Variants in HIVEP3 observed in about 807,000 individuals in gnomAD.
HIVEP3 encodes transcription factor HIVEP3.
Under a neutral mutation model 152.8 loss-of-function variants are expected in HIVEP3, and 49 were observed. That is an observed-to-expected ratio of 0.32 (90% CI 0.26 to 0.41). HIVEP3 has a LOEUF of 0.41. Among genes scored for constraint, HIVEP3 ranks in the 10% least tolerant of loss-of-function variants. HIVEP3 has a pLI of 1.00. For missense variants in HIVEP3, 2,790 were observed against 3,103.3 expected (o/e 0.90, Z 2.40); for synonymous variants, 1,269 against 1,289.0 (o/e 0.98, Z 0.33).
intron 1 of HIVEP3, among the ~76,000 whole-genome samples, chr1:41,760,294 A>T (rs751035597): frequency 1.1e-4 from 17 of 152,262 alleles, no homozygotes; most frequent in Non-Finnish European, 1.8e-4. Flanking sequence ...AGCTACTGCT[A>T]GAAAATGCTT....
intron 7 of HIVEP3, among the ~76,000 whole-genome samples, chr1:41,518,186 A>G (rs899898177): frequency 1.3e-5 from 2 of 152,196 alleles, no homozygotes; most frequent in Non-Finnish European, 2.9e-5. Flanking sequence ...AGCATATCCT[A>G]TCAGCATGTG....
At chr1:42,018,703 T>C (rs946196331) in intron 1 of HIVEP3, among the ~76,000 whole-genome samples, 2 of 152,024 alleles carry the variant, frequency 1.3e-5, no homozygotes, top group Admixed American at 1.3e-4. Flanking sequence ...ACAGGCAGGA[T>C]ATAAGTTCTC....
chr1:41,618,441 A>G (rs929561776), intron 3 of HIVEP3, among the ~76,000 whole-genome samples: 1 of 152,182 alleles, frequency 6.6e-6, no homozygotes, highest in African/African-American at 2.4e-5. Flanking sequence ...CAAAGGGCGT[A>G]GTGTTGAGGA....
intron 1 of HIVEP3, among the ~76,000 whole-genome samples, chr1:41,718,798 G>A (rs577647633): frequency 3.4e-5 from 5 of 146,038 alleles, no homozygotes; most frequent in East Asian, 2.1e-4. Flanking sequence ...ACACACACAC[G>A]TGCACACACA....
chr1:41,803,775 A>T (rs533691197), intron 1 of HIVEP3, among the ~76,000 whole-genome samples: 1 of 152,352 alleles, frequency 6.6e-6, no homozygotes, highest in East Asian at 1.9e-4. Flanking sequence ...GTTGCTAAGG[A>T]CTATGTCACA....
rs558423364 is a variant in HIVEP3, at chr1:41,510,229, T to A, written c.*222A>T. The A allele has an allele frequency of 1.5e-5, 6 of 389,994 alleles. No individual in the cohort carries two copies. Among genetic ancestry groups the A allele is most frequent in the South Asian group, 1.4e-4 (1 of 7,402 alleles). The allele number at this position is 389,994 out of a possible 1,614,324, so 24.2% of individuals were successfully genotyped here. A position where few individuals can be genotyped will look rare whatever the true frequency, so the allele number is the denominator to read the frequency against. ...TCCTCGTGGGTTGTTGTTTTTTTTTTAAATGTATGTATGTGATTTGTTTTG... is the reference window on the plus strand; with the variant it reads ...TCCTCGTGGGTTGTTGTTTTTTTTTAAAATGTATGTATGTGATTTGTTTTG... On this transcript the variant is annotated 3_prime_UTR_variant, in exon 9 of 9. Coordinates refer to ENST00000372583, the MANE Select transcript of HIVEP3 (RefSeq NM_024503.5).
chr1:41,534,272 G>T (rs561590553), intron 5 of HIVEP3, among the ~76,000 whole-genome samples: 19 of 152,170 alleles, frequency 1.2e-4, no homozygotes, highest in African/African-American at 4.6e-4. Context: ...GCATTCCTTG[G>T]CAGGAAAGGC....
At chr1:41,800,912 C>T (rs544037847) in intron 1 of HIVEP3, among the ~76,000 whole-genome samples, 7 of 152,332 alleles carry the variant, frequency 4.6e-5, no homozygotes, top group Non-Finnish European at 8.8e-5. Flanking sequence ...GAATTCGTTA[C>T]CTGCCTACCT....
rs116629146 is a variant in HIVEP3, at chr1:41,761,905, A to G, written c.-800-60910T>C. 8.4e-3 allele frequency among the ~76,000 whole-genome samples: 1,275 copies of G among 152,356 alleles called. 11 individuals are homozygous for G. The highest frequency in any genetic ancestry group is 0.011 in the Non-Finnish European group (765 of 68,026). On this transcript the variant is annotated intron_variant, in intron 1 of 8. Coordinates refer to ENST00000372583, the MANE Select transcript of HIVEP3 (RefSeq NM_024503.5). ...AGTGAAAAACTGACTTTCAAACCAA[A>G]GACAGTTTAAAGCCTGAAAGCCGAG...
chr1:41,959,556 T>C (rs2124496628), intron 1 of HIVEP3, among the ~76,000 whole-genome samples: 1 of 152,248 alleles, frequency 6.6e-6, no homozygotes, highest in South Asian at 2.1e-4. Context: ...CTTAAAAGCA[T>C]AGTTAAGGGG....
chr1:41,526,090 C>T (rs2810549), intron 5 of HIVEP3, among the ~76,000 whole-genome samples: 66,754 of 151,468 alleles, frequency 0.44, 15,304 homozygotes, highest in Non-Finnish European at 0.48. Context: ...CAAGGGACAG[C>T]GTGTCGGGGC....
chr1:41,588,271 A>T (rs938409373), intron 3 of HIVEP3, among the ~76,000 whole-genome samples: 30 of 152,196 alleles, frequency 2.0e-4, no homozygotes, highest in African/African-American at 7.2e-4. Flanking sequence ...ATTCTTATTG[A>T]TCCTTTCATG....
chr1:41,970,514 A>G (rs1333600526), intron 1 of HIVEP3, among the ~76,000 whole-genome samples: 1 of 152,148 alleles, frequency 6.6e-6, no homozygotes, highest in Non-Finnish European at 1.5e-5. Flanking sequence ...GGAGGGAACA[A>G]CATACACTGG....
chr1:41,786,469 A>G (rs1649354474), intron 1 of HIVEP3, among the ~76,000 whole-genome samples: 1 of 152,190 alleles, frequency 6.6e-6, no homozygotes, highest in South Asian at 2.1e-4. Flanking sequence ...CCATTACTCT[A>G]GACTAAGAGT....
At chr1:41,686,138 C>T (rs533883520) in intron 2 of HIVEP3, among the ~76,000 whole-genome samples, 1 of 152,256 alleles carries the variant, frequency 6.6e-6, no homozygotes, top group East Asian at 1.9e-4. Context: ...GTGGTGCAAT[C>T]TCAGCCCACT....
At chr1:41,775,728 T>C (rs537223274) in intron 1 of HIVEP3, among the ~76,000 whole-genome samples, 1 of 152,154 alleles carries the variant, frequency 6.6e-6, no homozygotes, top group East Asian at 1.9e-4. Context: ...GATCCTCATG[T>C]GGTCCACCTC....
Position 41,860,096 on chromosome 1 carries a change from C to T in HIVEP3, c.-801+58317G>A, listed in dbSNP as rs193302200. 8.0e-3 allele frequency among the ~76,000 whole-genome samples: 1,222 copies of T among 152,314 alleles called. 8 individuals are homozygous for T. Among genetic ancestry groups the T allele is most frequent in the Non-Finnish European group, 0.013 (881 of 68,016 alleles). ...GAAAAGATGGCTTGCGGATCAACAA[C>T]TGGATTCTGAAGACCTCCACCAGGA... On this transcript the variant is annotated intron_variant, in intron 1 of 8. Transcript: ENST00000372583.
At chr1:41,598,467 T>C (rs1284839228) in intron 3 of HIVEP3, among the ~76,000 whole-genome samples, 2 of 152,240 alleles carry the variant, frequency 1.3e-5, no homozygotes, top group East Asian at 3.8e-4. Context: ...GGAGACTGGG[T>C]GACATACAGA....
intron 1 of HIVEP3, among the ~76,000 whole-genome samples, chr1:41,725,691 C>T (rs897135210): frequency 3.9e-5 from 6 of 152,108 alleles, no homozygotes; most frequent in African/African-American, 1.4e-4. Flanking sequence ...CCAGTGACCC[C>T]CAAAAGACAG....
Sources: gnomAD v4.1 joint callset for allele counts (sites outside exome capture counted in the v4.1 genomes callset) on GRCh38, gnomAD v4.1.1 for gene constraint, MANE v1.5 for transcripts, NCBI Gene and HGNC (gene_info 2026-07-23, HGNC 2026-07-21) for gene names.